MAP2K2: variants seen among roughly 807,000 people sequenced by gnomAD.
The protein encoded by MAP2K2 is dual specificity mitogen-activated protein kinase kinase 2.
A neutral mutation model predicts 43.7 loss-of-function variants in MAP2K2; 24 were observed. The ratio of observed to expected loss-of-function variants is 0.55; its 90% CI spans 0.40 to 0.77. MAP2K2 has a LOEUF of 0.77. Among genes scored for constraint, MAP2K2 ranks in the 30% least tolerant of loss-of-function variants. MAP2K2 has a pLI of 0.00. For missense variants in MAP2K2, 470 were observed against 566.8 expected (o/e 0.83, Z 1.73); for synonymous variants, 244 against 239.7 (o/e 1.02, Z -0.17).
intron 3 of MAP2K2, among the ~76,000 whole-genome samples, chr19:4,106,449 G>A (rs986720358): frequency 6.6e-6 from 1 of 152,082 alleles, no homozygotes; most frequent in African/African-American, 2.4e-5. Context: ...TCTTGCTGTC[G>A]CCAGGCTGGA....
At position 4,101,141 on chromosome 19, in the gene MAP2K2, C is replaced by T. The variant is rs755854200; in HGVS notation, c.583G>A (p.Val195Met). The T allele has an allele frequency of 6.2e-7, 1 of 1,608,162 alleles. No individual in the cohort carries two copies. Among genetic ancestry groups the T allele is most frequent in the Admixed American group, 1.7e-5 (1 of 59,416 alleles). Residue 195 changes from valine (V) to methionine (M), a missense_variant and splice_region_variant, in exon 6 of 11, where the codon GTG becomes ATG. Val to Met is a conservative substitution (Grantham distance 21). This residue lies in a region of MAP2K2 where 200 missense variants were observed against 297.9 expected (regional missense o/e 0.67). Coordinates refer to ENST00000262948, the MANE Select transcript of MAP2K2 (RefSeq NM_030662.4). This position sits in a 1 kb window ranked among gnomAD's most constrained non-coding sequence, Gnocchi z 6.3. ...TTCACGAGGATGTTGGAGGGCTTCA[C>T]ATCTGGAGGCGGCAGGCTGCGGGTG... Reference protein sequence around the residue: ...REKHQIMHRDVKPSNILVNSR... With the variant: ...REKHQIMHRDMKPSNILVNSR...
At position 4,090,586 on chromosome 19, in the gene MAP2K2, G is replaced by C. The variant is rs1224647387; in HGVS notation, c.*12C>G. On this transcript the variant is annotated 3_prime_UTR_variant, in exon 11 of 11. Transcript: ENST00000262948. The stretch of plus-strand genomic sequence containing the variant: ...GCAGGTCACCAGCGGGACGCAGGGA[G>C]CCCGGCCACTGTCACACGGCGGTGC... 3 of 1,546,266 alleles carry C rather than the reference G, an allele frequency of 1.9e-6. No individual in the cohort carries two copies. The highest frequency in any genetic ancestry group is 2.6e-6 in the Non-Finnish European group (3 of 1,143,890).
rs886605728 is a variant in MAP2K2, at chr19:4,115,251, C to T, written c.303+2168G>A. 1.3e-5 allele frequency among the ~76,000 whole-genome samples: 2 copies of T among 152,132 alleles called. No individual in the cohort carries two copies. The highest frequency in any genetic ancestry group is 2.9e-5 in the Non-Finnish European group (2 of 68,032). On this transcript the variant is annotated intron_variant, in intron 2 of 10. Coordinates refer to ENST00000262948, the MANE Select transcript of MAP2K2 (RefSeq NM_030662.4). The surrounding 1 kb of genome is among the most constrained non-coding windows in gnomAD (Gnocchi z 4.1). ...CCACCCACCAGACCACAGAACCTGC[C>T]CAGCCACGCCTGCCCTCAGGTTCAA...
intron 6 of MAP2K2, chr19:4,100,147 G>A (rs1158365159): frequency 1.3e-5 from 2 of 152,334 alleles, no homozygotes; most frequent in Non-Finnish European, 1.5e-5. Flanking sequence ...TCGGGAGGCT[G>A]AGGCAGGAGA....
At position 4,124,054 on chromosome 19, in the gene MAP2K2, C is replaced by A. The variant is rs2145090528; in HGVS notation, c.-179G>T. 1 of 203,574 alleles carries A rather than the reference C, an allele frequency of 4.9e-6. No individual in the cohort carries two copies. The highest frequency in any genetic ancestry group is 7.5e-5 in the East Asian group (1 of 13,348). 12.6% of individuals were successfully genotyped at this position (203,574 alleles called of 1,614,324 possible). On this transcript the variant is annotated 5_prime_UTR_variant, in exon 1 of 11. Coordinates refer to ENST00000262948, the MANE Select transcript of MAP2K2 (RefSeq NM_030662.4). ...CGAGGGTAGCCGAGGGGCGCTGGGG[C>A]TGAGGCGAGCGAGCCGCTACCGCTG... is the stretch of plus-strand genomic sequence containing the variant.
chr19:4,110,383 A>C (rs933093430), intron 3 of MAP2K2, 126 bp downstream of exon 3: 2 of 1,168,784 alleles, frequency 1.7e-6, no homozygotes, highest in Admixed American at 1.8e-5. Context: ...CTGCCTTGAG[A>C]AGGATCCCCT....
chr19:4,105,705 C>T (rs993995895), intron 3 of MAP2K2, among the ~76,000 whole-genome samples: 1 of 152,108 alleles, frequency 6.6e-6, no homozygotes, highest in African/African-American at 2.4e-5. Context: ...TTCTTTCAGG[C>T]AGGGGTCGCC....
intron 9 of MAP2K2, 117 bp from the exon 10 acceptor site, chr19:4,094,615 C>T (rs954428800): frequency 1.6e-5 from 15 of 960,430 alleles, no homozygotes; most frequent in African/African-American, 6.5e-5. Context: ...TGGATCTCTC[C>T]GACCAGAGAG....
rs958765325 is a variant in MAP2K2, at chr19:4,115,670, G to A, written c.303+1749C>T. ...ACTCTAGAGGCCAGAAGACAGAGCT[G>A]CAGAGCTAAATCCCCGCAGGAGTTG... On this transcript the variant is annotated intron_variant, in intron 2 of 10. Transcript: ENST00000262948. This position sits in a 1 kb window ranked among gnomAD's most constrained non-coding sequence, Gnocchi z 4.1. Among the ~76,000 whole-genome samples, 1 of 152,222 alleles carries A rather than the reference G, an allele frequency of 6.6e-6. No homozygotes were observed. The highest frequency in any genetic ancestry group is 6.5e-5 in the Admixed American group (1 of 15,286).
rs550672999 is a variant in MAP2K2 at position 4,115,699 on chromosome 19, C to T, written c.303+1720G>A. Among the ~76,000 whole-genome samples, 9 of 152,288 alleles carry T rather than the reference C, an allele frequency of 5.9e-5. No homozygotes were observed. Among genetic ancestry groups the T allele is most frequent in the African/African-American group, 2.2e-4 (9 of 41,566 alleles). ...AGCTAAATCCCCGCAGGAGTTGAGC[C>T]GCTGCTCCCGAGGAAGGCAGGGCCC... On this transcript the variant is annotated intron_variant, in intron 2 of 10. Transcript: ENST00000262948. The surrounding 1 kb of genome is among the most constrained non-coding windows in gnomAD (Gnocchi z 4.1).
At chr19:4,112,723 A>C (rs1207411981) in intron 2 of MAP2K2, among the ~76,000 whole-genome samples, 3 of 152,056 alleles carry the variant, frequency 2.0e-5, no homozygotes, top group African/African-American at 7.2e-5. Context: ...CAGCCTGCAG[A>C]ATCCAGCTCC....
chr19:4,112,565 T>C (rs1223772305), intron 2 of MAP2K2, among the ~76,000 whole-genome samples: 2 of 152,138 alleles, frequency 1.3e-5, no homozygotes, highest in African/African-American at 4.8e-5. Flanking sequence ...TTGAGAAGCA[T>C]GGCAGGGCCC....
chr19:4,114,297 A>C (rs2041193239), intron 2 of MAP2K2, among the ~76,000 whole-genome samples: 1 of 152,198 alleles, frequency 6.6e-6, no homozygotes, highest in African/African-American at 2.4e-5. Context: ...CTTCAACTGT[A>C]AAACGAGGCT....
rs185335629 is a variant in MAP2K2 at position 4,115,589 on chromosome 19, C to A, written c.303+1830G>T. 1.6e-4 allele frequency among the ~76,000 whole-genome samples: 24 copies of A among 152,254 alleles called. No homozygotes were observed. The highest frequency in any genetic ancestry group is 3.2e-4 in the Non-Finnish European group (22 of 68,032). On this transcript the variant is annotated intron_variant, in intron 2 of 10. Transcript: ENST00000262948. The surrounding 1 kb of genome is among the most constrained non-coding windows in gnomAD (Gnocchi z 4.1). ...GGTTTGGAAGAGGCTGCCTGCAGTACGGGGACAGAAATAGCAAGTCCGCGG... is the reference window on the plus strand; with the variant it reads ...GGTTTGGAAGAGGCTGCCTGCAGTAAGGGGACAGAAATAGCAAGTCCGCGG...
intron 6 of MAP2K2, 37 bp from the exon 7 acceptor site, chr19:4,099,451 C>T (rs968227488): frequency 6.5e-6 from 10 of 1,538,620 alleles, no homozygotes; most frequent in Admixed American, 1.9e-5. Flanking sequence ...CCCAGAGGGG[C>T]GAGGATGGCA....
chr19:4,118,744 T>G (rs138734081), intron 1 of MAP2K2, among the ~76,000 whole-genome samples: 252 of 152,272 alleles, frequency 1.7e-3, no homozygotes, highest in Non-Finnish European at 2.3e-3. Context: ...ATCGTGACAA[T>G]GTACTCCAGC....
intron 2 of MAP2K2, among the ~76,000 whole-genome samples, chr19:4,112,989 C>G (rs139111136): frequency 6.6e-6 from 1 of 152,174 alleles, no homozygotes; most frequent in Non-Finnish European, 1.5e-5. Flanking sequence ...TCAGCACGTC[C>G]GGACTGACCG....
At chr19:4,094,374 A>G in intron 10 of MAP2K2, 79 bp downstream of exon 10, 1 of 1,460,856 alleles carries the variant, frequency 6.8e-7, no homozygotes, top group Non-Finnish European at 9.4e-7. Context: ...GGGCAGGGCC[A>G]GGCCCAGCAG....
chr19:4,096,642 G>A (rs948691760), intron 8 of MAP2K2, among the ~76,000 whole-genome samples: 7 of 152,206 alleles, frequency 4.6e-5, no homozygotes, highest in African/African-American at 1.7e-4. Flanking sequence ...AGGCTCTCTG[G>A]GCCTCCTTCC....
Sources: allele counts gnomAD v4.1 joint callset (sites outside exome capture counted in the v4.1 genomes callset), GRCh38; gene constraint gnomAD v4.1.1; regional missense constraint gnomAD v4.1.1; non-coding constraint Gnocchi (gnomAD v3.1); transcripts MANE v1.5; gene names NCBI Gene and HGNC (gene_info 2026-07-23, HGNC 2026-07-21).